Variants in OR2M3 observed in about 807,000 individuals in gnomAD.
OR2M3 encodes the protein olfactory receptor family 2 subfamily M member 3.
OR2M3 carries 1 observed loss-of-function variant against 4.3 expected under a neutral mutation model. That is an observed-to-expected ratio of 0.23 (90% CI 0.08 to 1.11). The LOEUF is 1.11. Ranked by LOEUF, OR2M3 falls within the 50% of genes most tolerant of loss-of-function variation. The pLI is 0.54. For missense variants in OR2M3, 410 were observed against 390.4 expected, an observed-to-expected ratio of 1.05 and a Z score of -0.42; for synonymous variants, 151 against 139.4, an observed-to-expected ratio of 1.08 and a Z score of -0.59.
Position 248,209,326 on chromosome 1 carries a change from T to A in OR2M3, c.*5320T>A, listed in dbSNP as rs562002794. 5 of 152,350 alleles carry A rather than the reference T, an allele frequency of 3.3e-5. No homozygotes were observed. Among genetic ancestry groups the A allele is most frequent in the African/African-American group, 9.6e-5 (4 of 41,568 alleles). 9.4% of individuals were successfully genotyped at this position (152,350 alleles called of 1,614,324 possible). On this transcript the variant is annotated 3_prime_UTR_variant, in exon 2 of 2. Transcript: ENST00000641626. Reference sequence around the variant, plus strand: ...TACTTTTTCTGGCAATTCAGAGATTTCCTCTTCGTTTGGATCCATTGGTGG... The same window carrying A: ...TACTTTTTCTGGCAATTCAGAGATTACCTCTTCGTTTGGATCCATTGGTGG...
rs1312107803 is a variant in OR2M3, at chr1:248,203,938, A to G, written c.871A>G (p.Ser291Gly). ...TCCCATGTTGAATCCCCTCATCTAC[A>G]GCCTCCGCAACAAGGAGGTGACCAG... The part of the protein sequence containing the change: ...LTPMLNPLIY[S>G]LRNKEVTRAF... Residue 291 changes from serine (S) to glycine (G), a missense_variant, in exon 2 of 2, where the codon AGC becomes GGC. Ser to Gly is a moderately conservative substitution (Grantham distance 56). Coordinates refer to ENST00000641626, the MANE Select transcript of OR2M3 (RefSeq NM_001004689.2). The G allele has an allele frequency of 6.2e-7, 1 of 1,613,832 alleles. No individual in the cohort carries two copies. The highest frequency in any genetic ancestry group is 1.7e-5 in the Admixed American group (1 of 59,968).
chr1:248,203,801 T>C lies in OR2M3; in HGVS notation c.734T>C (p.Leu245Pro). 1 of 1,613,118 alleles carries C rather than the reference T, an allele frequency of 6.2e-7. No individual in the cohort carries two copies. Among genetic ancestry groups the C allele is most frequent in the Non-Finnish European group, 8.5e-7 (1 of 1,179,784 alleles). The change falls in exon 2 of 2, where the codon CTC (leucine) becomes CCC (proline). Residue 245 changes from leucine (L) to proline (P), a missense_variant. Transcript: ENST00000641626. ...GCTTTTACTACTTGTTCCTCTCACC[T>C]CTTGGTGGTGGGAATGTACTATGGA... ...RKAFTTCSSH[L>P]LVVGMYYGAA...
At position 248,209,175 on chromosome 1, in the gene OR2M3, G is replaced by A. The variant is rs2103015755; in HGVS notation, c.*5169G>A. On this transcript the variant is annotated 3_prime_UTR_variant, in exon 2 of 2. Transcript: ENST00000641626. ...TCCTTGATTTTTAGAAGTTGTGAGT[G>A]TTTTTATTTATGCTGTTTATTTCAC... 1 of 152,032 alleles carries A rather than the reference G, an allele frequency of 6.6e-6. No individual in the cohort carries two copies. The highest frequency in any genetic ancestry group is 2.4e-5 in the African/African-American group (1 of 41,470). The allele number at this position is 152,032 out of a possible 1,614,324, so 9.4% of individuals were successfully genotyped here.
At chr1:248,200,190 T>C (rs565436901) in intron 1 of OR2M3, among the ~76,000 whole-genome samples, 2 of 152,138 alleles carry the variant, frequency 1.3e-5, no homozygotes, top group East Asian at 3.9e-4. Flanking sequence ...AACTTTGAGG[T>C]AATATAGTTT....
At position 248,210,125 on chromosome 1, in the gene OR2M3, G is replaced by T. The variant is rs567263775; in HGVS notation, c.*6119G>T. 6.6e-6 allele frequency: 1 copy of T among 152,634 alleles called. No homozygotes were observed. The highest frequency in any genetic ancestry group is 2.4e-5 in the African/African-American group (1 of 41,340). 9.5% of individuals were successfully genotyped at this position (152,634 alleles called of 1,614,324 possible). On this transcript the variant is annotated 3_prime_UTR_variant, in exon 2 of 2. Coordinates refer to ENST00000641626, the MANE Select transcript of OR2M3 (RefSeq NM_001004689.2). ...GTCACCAGAAAAGTGGGAGAAAGCC[G>T]GCAGTCACCAGCTTCACTCAGCATC... is the stretch of plus-strand genomic sequence containing the variant.
At chr1:248,202,805 T>C (rs941383487) in intron 1 of OR2M3, among the ~76,000 whole-genome samples, 7 of 152,014 alleles carry the variant, frequency 4.6e-5, no homozygotes, top group Non-Finnish European at 1.0e-4. Flanking sequence ...TTAGATACTA[T>C]AATTCTAATT....
At chr1:248,201,979 G>A (rs889264229) in intron 1 of OR2M3, among the ~76,000 whole-genome samples, 5 of 151,914 alleles carry the variant, frequency 3.3e-5, no homozygotes, top group Admixed American at 2.6e-4. Context: ...ATGCTTTTCT[G>A]AATTTCTGTT....
Position 248,203,112 on chromosome 1 carries a change from G to T in OR2M3, c.45G>T (p.Leu15=), listed in dbSNP as rs780648254. The change falls in exon 2 of 2, where the codon CTG becomes CTT. Residue 15 remains leucine, a synonymous_variant. Transcript: ENST00000641626. Reference sequence around the variant, plus strand: ...CCTTCAACTCCGACTTCATCCTCCTGGGAATCTTCAATCACAGCCCCACCC... The same window carrying T: ...CCTTCAACTCCGACTTCATCCTCCTTGGAATCTTCAATCACAGCCCCACCC... The part of the protein sequence containing the change: ...NSTFNSDFIL[L]GIFNHSPTHT... 124 of 1,613,618 alleles carry T rather than the reference G, an allele frequency of 7.7e-5. No individual in the cohort carries two copies. The highest frequency in any genetic ancestry group is 4.9e-4 in the Middle Eastern group (3 of 6,072).
rs1159956053 is a variant in OR2M3 at position 248,207,830 on chromosome 1, G to A, written c.*3824G>A. 2 of 151,902 alleles carry A rather than the reference G, an allele frequency of 1.3e-5. No individual in the cohort carries two copies. Among genetic ancestry groups the A allele is most frequent in the East Asian group, 3.9e-4 (2 of 5,194 alleles). 9.4% of individuals were successfully genotyped at this position (151,902 alleles called of 1,614,324 possible). A position where few individuals can be genotyped will look rare whatever the true frequency, so the allele number is the denominator to read the frequency against. ...TAAATATCTGTTAATCCCATTTCTT[G>A]TAGCATATAGTTTAAGTGCATTGTT... On this transcript the variant is annotated 3_prime_UTR_variant, in exon 2 of 2. Transcript: ENST00000641626.
In OR2M3 at chr1:248,210,558, T is replaced by G. The variant is rs1286595686; in HGVS notation, c.*6552T>G. On this transcript the variant is annotated 3_prime_UTR_variant, in exon 2 of 2. Coordinates refer to ENST00000641626, the MANE Select transcript of OR2M3 (RefSeq NM_001004689.2). ...GTGAAAATAGCCTTAACTGATGACA[T>G]TCCACCATTGTGATTTGTTTCTGCC... is the stretch of plus-strand genomic sequence containing the variant. 1.3e-5 allele frequency: 2 copies of G among 153,754 alleles called. 1 individual carries two copies. The highest frequency in any genetic ancestry group is 4.8e-5 in the African/African-American group (2 of 41,482). 9.5% of individuals were successfully genotyped at this position (153,754 alleles called of 1,614,324 possible).
intron 1 of OR2M3, among the ~76,000 whole-genome samples, chr1:248,198,349 A>T (rs1459180931): frequency 1.3e-5 from 2 of 152,152 alleles, no homozygotes; most frequent in Non-Finnish European, 2.9e-5. Flanking sequence ...TTCATTCAAC[A>T]TTCTATTTGT....
Position 248,210,212 on chromosome 1 carries a change from G to C in OR2M3, c.*6206G>C, listed in dbSNP as rs543479944. On this transcript the variant is annotated 3_prime_UTR_variant, in exon 2 of 2. Coordinates refer to ENST00000641626, the MANE Select transcript of OR2M3 (RefSeq NM_001004689.2). ...CACCGTGCCCACACAACAGCACCAA[G>C]TCTATTTCCAGGCAGCTGGTGACCA... is the stretch of plus-strand genomic sequence containing the variant. The C allele has an allele frequency of 1.3e-5, 2 of 152,350 alleles. No individual in the cohort carries two copies. Among genetic ancestry groups the C allele is most frequent in the South Asian group, 2.1e-4 (1 of 4,816 alleles). 9.4% of individuals were successfully genotyped at this position (152,350 alleles called of 1,614,324 possible). A position where few individuals can be genotyped will look rare whatever the true frequency, so the allele number is the denominator to read the frequency against.
Position 248,204,168 on chromosome 1 carries a change from A to G in OR2M3, c.*162A>G, listed in dbSNP as rs1437564499. 2.0e-5 allele frequency: 11 copies of G among 546,530 alleles called. No homozygotes were observed. The highest frequency in any genetic ancestry group is 3.1e-5 in the Non-Finnish European group (10 of 323,506). 33.9% of individuals were successfully genotyped at this position (546,530 alleles called of 1,614,324 possible). A position where few individuals can be genotyped will look rare whatever the true frequency, so the allele number is the denominator to read the frequency against. ...TTATTTCAGATAAACTATTATAACTATTTATTATTTTATATTCATTTCTGC... is the reference window on the plus strand; with the variant it reads ...TTATTTCAGATAAACTATTATAACTGTTTATTATTTTATATTCATTTCTGC... On this transcript the variant is annotated 3_prime_UTR_variant, in exon 2 of 2. Transcript: ENST00000641626.
At chr1:248,201,182 C>T (rs1386315227) in intron 1 of OR2M3, among the ~76,000 whole-genome samples, 2 of 152,004 alleles carry the variant, frequency 1.3e-5, no homozygotes, top group African/African-American at 4.8e-5. Flanking sequence ...AATTTTAAAA[C>T]CCTGTGTTTT....
intron 1 of OR2M3, among the ~76,000 whole-genome samples, chr1:248,199,067 A>G (rs561499293): frequency 6.6e-6 from 1 of 152,296 alleles, no homozygotes; most frequent in Admixed American, 6.5e-5. Context: ...ATTCATACAT[A>G]AAAATAATTT....
intron 1 of OR2M3, 92 bp downstream of exon 1, chr1:248,197,393 C>A (rs1304997975): frequency 2.0e-5 from 3 of 152,112 alleles, no homozygotes; most frequent in African/African-American, 4.8e-5. Flanking sequence ...TGATTGATCT[C>A]ATTTCTTAAG....
At position 248,212,539 on chromosome 1, in the gene OR2M3, T is replaced by A. The variant is rs1005093124; in HGVS notation, c.*8533T>A. 2 of 152,104 alleles carry A rather than the reference T, an allele frequency of 1.3e-5. No individual in the cohort carries two copies. Among genetic ancestry groups the A allele is most frequent in the Non-Finnish European group, 2.9e-5 (2 of 67,976 alleles). The allele number at this position is 152,104 out of a possible 1,614,324, so 9.4% of individuals were successfully genotyped here. ...AAAAACTGATTTTTAAAAACTCATATGGTTTCTAAATTATCCAAATTATTT... is the reference window on the plus strand; with the variant it reads ...AAAAACTGATTTTTAAAAACTCATAAGGTTTCTAAATTATCCAAATTATTT... On this transcript the variant is annotated 3_prime_UTR_variant, in exon 2 of 2. Transcript: ENST00000641626.
At position 248,206,964 on chromosome 1, in the gene OR2M3, T is replaced by TTGG. The variant is rs1666229711; in HGVS notation, c.*2958_*2959insTGG. ...CTGGACTTTTTTTTGGCAATTTTTT[T>TTGG]CATTACAATTTCAGTCATGCTGCTT... On this transcript the variant is annotated 3_prime_UTR_variant, in exon 2 of 2. Transcript: ENST00000641626. 9.2e-5 allele frequency: 14 copies of TTGG among 152,060 alleles called. No homozygotes were observed. Among genetic ancestry groups the TTGG allele is most frequent in the Admixed American group, 8.5e-4 (13 of 15,270 alleles). The allele number at this position is 152,060 out of a possible 1,614,324, so 9.4% of individuals were successfully genotyped here.
At position 248,205,272 on chromosome 1, in the gene OR2M3, C is replaced by T. The variant is rs918800495; in HGVS notation, c.*1266C>T. 2.0e-5 allele frequency: 3 copies of T among 152,028 alleles called. No individual in the cohort carries two copies. The highest frequency in any genetic ancestry group is 6.6e-5 in the Admixed American group (1 of 15,226). 9.4% of individuals were successfully genotyped at this position (152,028 alleles called of 1,614,324 possible). On this transcript the variant is annotated 3_prime_UTR_variant, in exon 2 of 2. Transcript: ENST00000641626. Reference sequence around the variant, plus strand: ...TTTACTCTGCTGACCGTTCCTTTTGCAGTGCAAAAGGTCTTTAGTTTAATT... The same window carrying T: ...TTTACTCTGCTGACCGTTCCTTTTGTAGTGCAAAAGGTCTTTAGTTTAATT...
Sources: gnomAD v4.1 joint callset for allele counts (sites outside exome capture counted in the v4.1 genomes callset) on GRCh38, gnomAD v4.1.1 for gene constraint, MANE v1.5 for transcripts, NCBI Gene and HGNC (gene_info 2026-07-23, HGNC 2026-07-21) for gene names.